Variants in PPP3CA observed in about 807,000 individuals in gnomAD.
The protein encoded by PPP3CA is CAM-PRP catalytic subunit.
A neutral mutation model predicts 66.5 loss-of-function variants in PPP3CA; 14 were observed. The observed-to-expected ratio is 0.21, with a 90% CI of 0.14 to 0.33. The LOEUF (loss-of-function observed/expected upper bound fraction) is 0.33. Ranked by LOEUF, PPP3CA falls within the 10% of genes least tolerant of loss-of-function variation. The probability of loss-of-function intolerance (pLI) is 1.00; values close to 1 mark genes in which losing one functional copy is unlikely to be tolerated. For missense variants in PPP3CA, 317 were observed against 639.5 expected, an observed-to-expected ratio of 0.50 and a Z score of 5.44; for synonymous variants, 232 against 226.2, an observed-to-expected ratio of 1.03 and a Z score of -0.23.
intron 8 of PPP3CA, among the ~76,000 whole-genome samples, chr4:101,074,810 A>T (rs1448289017): frequency 1.3e-5 from 2 of 151,956 alleles, no homozygotes; most frequent in Admixed American, 6.5e-5. Flanking sequence ...TTTCCCTATC[A>T]AAAAGGATAG....
intron 10 of PPP3CA, among the ~76,000 whole-genome samples, chr4:101,051,209 G>T (rs1240616790): frequency 6.6e-6 from 1 of 152,096 alleles, no homozygotes; most frequent in Non-Finnish European, 1.5e-5. Flanking sequence ...AAATTAAACA[G>T]ATTTCTAGAA....
At position 101,347,140 on chromosome 4, in the gene PPP3CA, A is replaced by C. The variant is rs1422600405; in HGVS notation, c.-344T>G. 4.7e-6 allele frequency: 2 copies of C among 425,380 alleles called. No homozygotes were observed. Among genetic ancestry groups the C allele is most frequent in the Non-Finnish European group, 4.3e-6 (1 of 233,726 alleles). The allele number at this position is 425,380 out of a possible 1,614,324, so 26.4% of individuals were successfully genotyped here. A position where few individuals can be genotyped will look rare whatever the true frequency, so the allele number is the denominator to read the frequency against. On this transcript the variant is annotated 5_prime_UTR_variant, in exon 1 of 14. Coordinates refer to ENST00000394854, the MANE Select transcript of PPP3CA (RefSeq NM_000944.5). ...GGGGATGGGGAGGAGAAGCGCACAC[A>C]CGAGCACCCACCCCGGCACGGAGAC...
At chr4:101,106,799 G>A (rs1730776295) in intron 3 of PPP3CA, among the ~76,000 whole-genome samples, 2 of 152,158 alleles carry the variant, frequency 1.3e-5, no homozygotes. Flanking sequence ...TAGCCATCTT[G>A]GGTTACTAGT....
intron 1 of PPP3CA, among the ~76,000 whole-genome samples, chr4:101,198,133 A>T (rs1724858772): frequency 6.6e-6 from 1 of 152,232 alleles, no homozygotes; most frequent in Non-Finnish European, 1.5e-5. Flanking sequence ...TCTGAAGATT[A>T]AACAAGGAGG....
chr4:101,297,594 T>G (rs1728237785), intron 1 of PPP3CA, among the ~76,000 whole-genome samples: 1 of 152,150 alleles, frequency 6.6e-6, no homozygotes, highest in Admixed American at 6.6e-5. Context: ...ATGACCATCC[T>G]TGGGAAAGAG....
intron 2 of PPP3CA, among the ~76,000 whole-genome samples, chr4:101,163,686 G>A (rs988538287): frequency 6.6e-6 from 1 of 152,160 alleles, no homozygotes; most frequent in African/African-American, 2.4e-5. Context: ...ACAGCAGTAG[G>A]TGTTAGGATA....
In PPP3CA at chr4:101,287,232, T is replaced by C. The variant is rs75518901; in HGVS notation, c.58+59507A>G. ...CAGAAATACCTTAGCTAATTTACCT[T>C]GTTTTAACAAAGCTTAAAATTTTTG... On this transcript the variant is annotated intron_variant, in intron 1 of 13. Transcript: ENST00000394854. Among the ~76,000 whole-genome samples the C allele has an allele frequency of 6.1e-3, 932 of 152,318 alleles. 3 individuals are homozygous for C. The highest frequency in any genetic ancestry group is 0.014 in the East Asian group (70 of 5,182).
chr4:101,324,296 T>C (rs1253597024), intron 1 of PPP3CA, among the ~76,000 whole-genome samples: 1 of 151,684 alleles, frequency 6.6e-6, no homozygotes, highest in Non-Finnish European at 1.5e-5. Context: ...ACAGGGCAAA[T>C]AAGCAGCAGA....
Position 101,024,760 on chromosome 4 carries a change from TCCC to T in PPP3CA, c.*1102_*1104del, listed in dbSNP as rs367863134. 6.6e-5 allele frequency: 10 copies of T among 152,660 alleles called. No homozygotes were observed. The highest frequency in any genetic ancestry group is 2.4e-4 in the African/African-American group (10 of 41,514). 9.5% of individuals were successfully genotyped at this position (152,660 alleles called of 1,614,324 possible). A position where few individuals can be genotyped will look rare whatever the true frequency, so the allele number is the denominator to read the frequency against. On this transcript the variant is annotated 3_prime_UTR_variant, in exon 14 of 14. Transcript: ENST00000394854. ...ATGTTAAAAACTTTAAAGAATACTCTCCCCTTTAGATTTTTTCAAAGCTTTTTT... is the reference window on the plus strand; with the variant it reads ...ATGTTAAAAACTTTAAAGAATACTCTCTTTAGATTTTTTCAAAGCTTTTTT...
At chr4:101,124,749 AAGAAAG>A (rs1722179831) in intron 2 of PPP3CA, among the ~76,000 whole-genome samples, 1 of 118,520 alleles carries the variant, frequency 8.4e-6, no homozygotes, top group Non-Finnish European at 1.7e-5. Context: ...GAAAGAAAGA[AAGAAAG>A]AAAGAAAGAA....
chr4:101,144,565 T>C (rs986456287), intron 2 of PPP3CA, among the ~76,000 whole-genome samples: 4 of 152,190 alleles, frequency 2.6e-5, no homozygotes, highest in East Asian at 1.9e-4. Flanking sequence ...AAGTCTGTTA[T>C]TCCCTGCAAA....
chr4:101,245,018 G>A (rs974863038), intron 1 of PPP3CA, among the ~76,000 whole-genome samples: 7 of 152,130 alleles, frequency 4.6e-5, no homozygotes, highest in African/African-American at 1.2e-4. Context: ...ACACCAGCCC[G>A]AGTATATTTC....
chr4:101,090,273 G>GTCA (rs1729854949), intron 6 of PPP3CA, among the ~76,000 whole-genome samples: 1 of 152,092 alleles, frequency 6.6e-6, no homozygotes, highest in Admixed American at 6.6e-5. Flanking sequence ...TCTATATATA[G>GTCA]GCCACAGATT....
chr4:101,225,502 T>C (rs1223227889), intron 1 of PPP3CA, among the ~76,000 whole-genome samples: 3 of 151,856 alleles, frequency 2.0e-5, no homozygotes, highest in African/African-American at 7.2e-5. Context: ...CAAATGACCA[T>C]TTTGCAAATG....
At chr4:101,040,904 A>G (rs1055611607) in intron 10 of PPP3CA, among the ~76,000 whole-genome samples, 1 of 152,196 alleles carries the variant, frequency 6.6e-6, no homozygotes, top group African/African-American at 2.4e-5. Flanking sequence ...CTATTTATAC[A>G]GAGACCACGC....
At chr4:101,061,028 A>C in intron 10 of PPP3CA, 59 bp downstream of exon 10, 1 of 1,357,224 alleles carries the variant, frequency 7.4e-7, no homozygotes, top group Non-Finnish European at 1.1e-6. Context: ...AGATTTAGCA[A>C]TGAGACTCTA....
chr4:101,138,004 T>C (rs1383512765), intron 2 of PPP3CA, among the ~76,000 whole-genome samples: 9 of 152,220 alleles, frequency 5.9e-5, no homozygotes, highest in African/African-American at 2.2e-4. Flanking sequence ...CGAGCAGTTG[T>C]ATTTCCATAT....
intron 1 of PPP3CA, among the ~76,000 whole-genome samples, chr4:101,292,132 G>A (rs1728049001): frequency 7.8e-6 from 1 of 128,758 alleles, no homozygotes; most frequent in African/African-American, 3.0e-5. Flanking sequence ...ACACACACAC[G>A]GCCCCTATAG....
chr4:101,274,231 G>A (rs1023776370), intron 1 of PPP3CA, among the ~76,000 whole-genome samples: 2 of 152,198 alleles, frequency 1.3e-5, no homozygotes, highest in African/African-American at 4.8e-5. Flanking sequence ...TTGAACCCAG[G>A]AGGCGGAGGT....
Sources: allele counts gnomAD v4.1 joint callset (sites outside exome capture counted in the v4.1 genomes callset), GRCh38; gene constraint gnomAD v4.1.1; transcripts MANE v1.5; gene names NCBI Gene and HGNC (gene_info 2026-07-23, HGNC 2026-07-21).